The following PTPRM variants were observed in gnomAD, a reference collection of about 807,000 sequenced individuals.
PTPRM encodes receptor-type tyrosine-protein phosphatase mu.
A neutral mutation model predicts 186.7 loss-of-function variants in PTPRM; 47 were observed. The ratio of observed to expected loss-of-function variants is 0.25; its 90% CI spans 0.20 to 0.32. The LOEUF is 0.32. Ranked by LOEUF, PTPRM falls within the 10% of genes least tolerant of loss-of-function variation. The pLI is 1.00. For synonymous variants in PTPRM, 668 were observed against 674.9 expected (o/e 0.99, Z 0.16); for missense variants, 1,494 against 1,865.0 (o/e 0.80, Z 3.66).
intron 23 of PTPRM, among the ~76,000 whole-genome samples, chr18:8,370,343 C>T (rs1272277514): frequency 6.6e-6 from 1 of 152,158 alleles, no homozygotes; most frequent in African/African-American, 2.4e-5. Flanking sequence ...TATGGAAAGA[C>T]AATTTCAGAT....
intron 2 of PTPRM, among the ~76,000 whole-genome samples, chr18:7,795,892 GAAC>G: frequency 7.0e-6 from 1 of 142,554 alleles, no homozygotes; most frequent in South Asian, 2.2e-4. Flanking sequence ...ATAGCTCACT[GAAC>G]CTTGAATTCC....
At chr18:7,638,813 TC>T (rs2038378361) in intron 1 of PTPRM, among the ~76,000 whole-genome samples, 1 of 152,222 alleles carries the variant, frequency 6.6e-6, no homozygotes, top group African/African-American at 2.4e-5. Flanking sequence ...CAGATGCATT[TC>T]TTATGGTCTT....
chr18:7,913,012 A>G (rs1051683958), intron 4 of PTPRM, among the ~76,000 whole-genome samples: 3 of 152,196 alleles, frequency 2.0e-5, no homozygotes, highest in Admixed American at 2.0e-4. Context: ...GTCTTTTAAA[A>G]TTTCCTTTAA....
chr18:7,755,842 T>C (rs574827576), intron 1 of PTPRM, among the ~76,000 whole-genome samples: 28 of 152,328 alleles, frequency 1.8e-4, no homozygotes, highest in African/African-American at 6.7e-4. Flanking sequence ...ACTATGGACT[T>C]TTAAGCTGAG....
rs774385787 is a variant in PTPRM at position 7,571,148 on chromosome 18, G to C, written c.73+3257G>C. On this transcript the variant is annotated intron_variant, in intron 1 of 32. Transcript: ENST00000580170. ...GTAGAGACGGGTTTTCACCATGTTGGCCAGGATGGTCTCAATCTCTTGACC... is the reference window on the plus strand; with the variant it reads ...GTAGAGACGGGTTTTCACCATGTTGCCCAGGATGGTCTCAATCTCTTGACC... 4.1e-4 allele frequency among the ~76,000 whole-genome samples: 63 copies of C among 152,096 alleles called. 1 individual carries two copies. Among genetic ancestry groups the C allele is most frequent in the Non-Finnish European group, 6.5e-4 (44 of 67,980 alleles).
At chr18:8,071,994 T>C (rs1005168982) in intron 8 of PTPRM, among the ~76,000 whole-genome samples, 5 of 152,208 alleles carry the variant, frequency 3.3e-5, no homozygotes, top group Non-Finnish European at 5.9e-5. Context: ...CCTTTCTTAG[T>C]ATTGTAATGA....
intron 1 of PTPRM, among the ~76,000 whole-genome samples, chr18:7,612,251 C>T (rs964141859): frequency 2.0e-5 from 3 of 152,072 alleles, no homozygotes; most frequent in Admixed American, 1.3e-4. Flanking sequence ...TACTTTTGCT[C>T]TCTTTTCTGA....
chr18:7,576,257 C>A (rs2036684210), intron 1 of PTPRM, among the ~76,000 whole-genome samples: 1 of 152,194 alleles, frequency 6.6e-6, no homozygotes, highest in African/African-American at 2.4e-5. Flanking sequence ...GGTGAATATT[C>A]ATTTTAATCT....
At chr18:7,691,130 T>G (rs1005315682) in intron 1 of PTPRM, among the ~76,000 whole-genome samples, 1 of 152,190 alleles carries the variant, frequency 6.6e-6, no homozygotes, top group Non-Finnish European at 1.5e-5. Flanking sequence ...TTTTTATTTT[T>G]AAGACCTTGC....
chr18:8,320,761 A>C (rs1444446466), intron 22 of PTPRM, among the ~76,000 whole-genome samples: 1 of 152,122 alleles, frequency 6.6e-6, no homozygotes, highest in Non-Finnish European at 1.5e-5. Flanking sequence ...GTTACTCTGC[A>C]CTCAGGTCTA....
At chr18:7,935,405 G>C (rs1169879220) in intron 5 of PTPRM, among the ~76,000 whole-genome samples, 1 of 151,710 alleles carries the variant, frequency 6.6e-6, no homozygotes, top group Non-Finnish European at 1.5e-5. Context: ...AACTTAATAT[G>C]ATTTTGGATT....
chr18:7,610,197 C>T (rs2037637560), intron 1 of PTPRM, among the ~76,000 whole-genome samples: 1 of 151,650 alleles, frequency 6.6e-6, no homozygotes, highest in Non-Finnish European at 1.5e-5. Flanking sequence ...GGCAAACTGA[C>T]AAGAACAACT....
chr18:8,289,306 A>T, intron 19 of PTPRM, among the ~76,000 whole-genome samples: 1 of 151,426 alleles, frequency 6.6e-6, no homozygotes, highest in Non-Finnish European at 1.5e-5. Context: ...AATCCCTCAT[A>T]CAGAGTAATA....
chr18:8,323,496 A>G (rs1451315167), intron 22 of PTPRM, among the ~76,000 whole-genome samples: 4 of 152,220 alleles, frequency 2.6e-5, no homozygotes, highest in African/African-American at 4.8e-5. Flanking sequence ...ATTGTCTTCA[A>G]TGTTGTAACC....
chr18:7,703,502 T>G (rs2040010135), intron 1 of PTPRM, among the ~76,000 whole-genome samples: 1 of 152,212 alleles, frequency 6.6e-6, no homozygotes, highest in African/African-American at 2.4e-5. Flanking sequence ...GAAATGCTTG[T>G]GATTTTTGCG....
At chr18:7,895,248 A>T (rs2049295063) in intron 3 of PTPRM, among the ~76,000 whole-genome samples, 1 of 152,144 alleles carries the variant, frequency 6.6e-6, no homozygotes, top group African/African-American at 2.4e-5. Context: ...CACATTGGGG[A>T]TATGCTAGCC....
At chr18:8,038,982 GTTTT>G (rs143219893) in intron 7 of PTPRM, among the ~76,000 whole-genome samples, 1 of 150,658 alleles carries the variant, frequency 6.6e-6, no homozygotes, top group East Asian at 1.9e-4. Flanking sequence ...ATTTTCAGGG[GTTTT>G]TTTTTGCCAG....
chr18:7,664,538 AG>A (rs1179161385), intron 1 of PTPRM, among the ~76,000 whole-genome samples: 4 of 152,136 alleles, frequency 2.6e-5, no homozygotes, highest in Admixed American at 2.6e-4. Context: ...GCTGTTGTCT[AG>A]GAGCGCATCC....
intron 14 of PTPRM, among the ~76,000 whole-genome samples, chr18:8,149,365 T>C (rs150881016): frequency 0.023 from 3,491 of 152,296 alleles, 142 homozygotes; most frequent in African/African-American, 0.08. Flanking sequence ...TTTAGCATAG[T>C]TAGCTCTTCT....
Sources: gnomAD v4.1 joint callset for allele counts (sites outside exome capture counted in the v4.1 genomes callset) on GRCh38, gnomAD v4.1.1 for gene constraint, MANE v1.5 for transcripts, NCBI Gene and HGNC (gene_info 2026-07-23, HGNC 2026-07-21) for gene names.